The following SPHKAP variants were observed in gnomAD, a reference collection of about 807,000 sequenced individuals.
SPHKAP encodes the protein SPHK1 interactor, AKAP domain containing.
In SPHKAP, 67 loss-of-function variants were observed where a neutral mutation model predicts 137.5. The observed-to-expected ratio is 0.49, with a 90% confidence interval of 0.40 to 0.60. The LOEUF (loss-of-function observed/expected upper bound fraction) is 0.60. Among genes scored for constraint, SPHKAP ranks in the 20% least tolerant of loss-of-function variants. SPHKAP has a pLI of 0.00. For synonymous variants in SPHKAP, 813 were observed against 785.3 expected, an observed-to-expected ratio of 1.04 and a Z score of -0.59; for missense variants, 2,097 against 2,069.3, an observed-to-expected ratio of 1.01 and a Z score of -0.26.
At position 228,181,468 on chromosome 2, in the gene SPHKAP, T is replaced by A; in HGVS notation, c.32+99A>T. ...CCCTGTCTCCTCGCTGGGAGCCCCG[T>A]GCAAACCGAAGCGCTCTGGGGCAAG... On this transcript the variant is annotated intron_variant, in intron 1 of 11. Coordinates refer to ENST00000392056, the MANE Select transcript of SPHKAP (RefSeq NM_001142644.2). The surrounding 1 kb of genome is among the most constrained non-coding windows in gnomAD (Gnocchi z 4.3). 6.5e-7 allele frequency: 1 copy of A among 1,545,274 alleles called. No homozygotes were observed. Among genetic ancestry groups the A allele is most frequent in the South Asian group, 1.1e-5 (1 of 89,700 alleles).
intron 7 of SPHKAP, among the ~76,000 whole-genome samples, chr2:228,001,269 AAATATATC>A (rs1559339479): frequency 7.2e-5 from 8 of 110,766 alleles, no homozygotes; most frequent in African/African-American, 1.8e-4. Context: ...ACACATATAT[AAATATATC>A]TATACATATA....
chr2:227,995,917 T>C (rs548253345), intron 7 of SPHKAP: 1 of 979,248 alleles, frequency 1.0e-6, no homozygotes, highest in East Asian at 1.1e-4. Context: ...CTCTTTCTAC[T>C]GACTCCCTCC....
intron 3 of SPHKAP, among the ~76,000 whole-genome samples, chr2:228,093,355 A>C (rs561657241): frequency 6.6e-6 from 1 of 152,222 alleles, no homozygotes; most frequent in Non-Finnish European, 1.5e-5. Flanking sequence ...AGTATTATTC[A>C]TAACAGTCAA....
At chr2:228,092,194 C>T (rs1344481154) in intron 3 of SPHKAP, among the ~76,000 whole-genome samples, 1 of 132,754 alleles carries the variant, frequency 7.5e-6, no homozygotes, top group Non-Finnish European at 1.6e-5. Context: ...TACATGCATA[C>T]ACATGCATAC....
intron 4 of SPHKAP, among the ~76,000 whole-genome samples, chr2:228,026,404 A>G (rs1258304113): frequency 1.3e-5 from 2 of 152,148 alleles, no homozygotes; most frequent in Non-Finnish European, 2.9e-5. Context: ...ACTACATTTA[A>G]TCTTCACAAT....
In SPHKAP at chr2:227,990,621, A is replaced by G. The variant is rs114327732; in HGVS notation, c.4959+379T>C. The stretch of plus-strand genomic sequence containing the variant: ...AATGCCTTCTCTTGGCCTGTTTTAG[A>G]TGTCAGTGTGGCCTCACTTTGGTTT... On this transcript the variant is annotated intron_variant, in intron 11 of 11. Transcript: ENST00000392056. 9.4e-3 allele frequency among the ~76,000 whole-genome samples: 1,436 copies of G among 152,256 alleles called. 24 individuals carry two copies. Among genetic ancestry groups the G allele is most frequent in the African/African-American group, 0.033 (1,387 of 41,530 alleles).
intron 3 of SPHKAP, among the ~76,000 whole-genome samples, chr2:228,045,592 C>T (rs569694897): frequency 2.6e-5 from 4 of 151,614 alleles, no homozygotes; most frequent in East Asian, 3.9e-4. Context: ...ACAGCGGGGA[C>T]TGTTGCGGGA....
intron 3 of SPHKAP, among the ~76,000 whole-genome samples, chr2:228,066,097 T>C (rs1329271508): frequency 6.6e-6 from 1 of 152,230 alleles, no homozygotes; most frequent in Non-Finnish European, 1.5e-5. Context: ...AATTTAATTA[T>C]GTCCTTAGAG....
intron 3 of SPHKAP, among the ~76,000 whole-genome samples, chr2:228,041,158 C>A (rs1421514568): frequency 6.6e-6 from 1 of 152,162 alleles, no homozygotes; most frequent in Non-Finnish European, 1.5e-5. Context: ...CAGCCACTGG[C>A]AGTTTCTCTA....
chr2:228,089,933 A>G (rs1697666461), intron 3 of SPHKAP, among the ~76,000 whole-genome samples: 1 of 152,182 alleles, frequency 6.6e-6, no homozygotes, highest in Non-Finnish European at 1.5e-5. Context: ...GCCTTACCAG[A>G]AGCACCCAGA....
chr2:228,088,844 A>G (rs1697624266), intron 3 of SPHKAP, among the ~76,000 whole-genome samples: 1 of 152,216 alleles, frequency 6.6e-6, no homozygotes, highest in Admixed American at 6.5e-5. Flanking sequence ...CTGAGCATAT[A>G]CCAGGGCCAT....
intron 7 of SPHKAP, among the ~76,000 whole-genome samples, chr2:227,997,812 A>G (rs1483040470): frequency 6.6e-6 from 1 of 152,206 alleles, no homozygotes; most frequent in East Asian, 1.9e-4. Context: ...CGTTATTAAG[A>G]GTGTTTGCAC....
intron 2 of SPHKAP, among the ~76,000 whole-genome samples, chr2:228,129,276 T>C (rs2106372034): frequency 6.6e-6 from 1 of 152,322 alleles, no homozygotes; most frequent in Middle Eastern, 3.4e-3. Context: ...AATGGACTTG[T>C]TGGATGCAGG....
At chr2:228,045,092 G>A (rs1469948160) in intron 3 of SPHKAP, among the ~76,000 whole-genome samples, 5 of 151,700 alleles carry the variant, frequency 3.3e-5, no homozygotes, top group African/African-American at 1.2e-4. Context: ...AAAAAGTCAG[G>A]AAACAACAGG....
chr2:228,055,892 C>T (rs1452683511), intron 3 of SPHKAP, among the ~76,000 whole-genome samples: 1 of 152,220 alleles, frequency 6.6e-6, no homozygotes, highest in Non-Finnish European at 1.5e-5. Flanking sequence ...CTGCTACTGT[C>T]TCCAGCAATC....
chr2:228,048,717 T>A (rs527355159), intron 3 of SPHKAP, among the ~76,000 whole-genome samples: 1 of 152,302 alleles, frequency 6.6e-6, no homozygotes, highest in African/African-American at 2.4e-5. Flanking sequence ...GGCTACAGCA[T>A]ATGGCCTAGG....
intron 2 of SPHKAP, among the ~76,000 whole-genome samples, chr2:228,113,545 G>A (rs931390174): frequency 6.7e-6 from 1 of 150,300 alleles, no homozygotes; most frequent in Non-Finnish European, 1.5e-5. Context: ...GTGTTCCATT[G>A]AAATTATATA....
intron 3 of SPHKAP, among the ~76,000 whole-genome samples, chr2:228,099,784 T>G (rs1698124658): frequency 1.3e-5 from 2 of 152,102 alleles, no homozygotes; most frequent in African/African-American, 2.4e-5. Context: ...TGTGTTTGTG[T>G]GTGTGTGTTG....
intron 11 of SPHKAP, among the ~76,000 whole-genome samples, chr2:227,985,798 A>G (rs1471180864): frequency 6.6e-6 from 1 of 152,230 alleles, no homozygotes; most frequent in Non-Finnish European, 1.5e-5. Flanking sequence ...ATATCATGAA[A>G]TCTATGGGAG....
Sources: gnomAD v4.1 joint callset for allele counts (sites outside exome capture counted in the v4.1 genomes callset) on GRCh38, gnomAD v4.1.1 for gene constraint, Gnocchi (gnomAD v3.1) non-coding constraint, MANE v1.5 for transcripts, NCBI Gene and HGNC (gene_info 2026-07-23, HGNC 2026-07-21) for gene names.